Variants in TTC27 observed in about 807,000 individuals in gnomAD.
The protein encoded by TTC27 is tetratricopeptide repeat domain 27.
A neutral mutation model predicts 115.9 loss-of-function variants in TTC27; 79 were observed. The observed-to-expected ratio is 0.68, with a 90% confidence interval of 0.57 to 0.82. TTC27 has a LOEUF of 0.82. TTC27 is among the 40% of genes least tolerant of loss of function. TTC27 has a pLI of 0.00. For synonymous variants in TTC27, 401 were observed against 356.0 expected (o/e 1.13, Z -1.42); for missense variants, 1,054 against 993.1 (o/e 1.06, Z -0.82).
At chr2:32,796,430 C>T (rs1224797290) in intron 16 of TTC27, among the ~76,000 whole-genome samples, 3 of 152,098 alleles carry the variant, frequency 2.0e-5, no homozygotes, top group Non-Finnish European at 4.4e-5. Flanking sequence ...AAAGAGGATA[C>T]TCAAATTACT....
intron 12 of TTC27, among the ~76,000 whole-genome samples, chr2:32,754,397 C>A (rs2147988245): frequency 6.7e-6 from 1 of 148,968 alleles, no homozygotes; most frequent in Non-Finnish European, 1.5e-5. Context: ...ACATCTTGCA[C>A]CGCCCTTAAT....
intron 16 of TTC27, among the ~76,000 whole-genome samples, chr2:32,794,398 GAATGAA>G (rs1670632642): frequency 6.6e-6 from 1 of 152,068 alleles, no homozygotes; most frequent in African/African-American, 2.4e-5. Flanking sequence ...ACTTAGAGAT[GAATGAA>G]AATGAAAATA....
chr2:32,701,755 A>G (rs976440541), intron 9 of TTC27, among the ~76,000 whole-genome samples: 2 of 152,178 alleles, frequency 1.3e-5, no homozygotes, highest in Admixed American at 1.3e-4. Context: ...ATAGTTCTTA[A>G]AGTTGGCTAC....
chr2:32,798,713 A>AAAAATAATAAT (rs1368512271), intron 16 of TTC27, among the ~76,000 whole-genome samples: 4 of 142,346 alleles, frequency 2.8e-5, no homozygotes, highest in African/African-American at 8.1e-5. Flanking sequence ...TCAAAAAAAA[A>AAAAATAATAAT]AATAATAATA....
In TTC27 at chr2:32,811,078, G is replaced by C; in HGVS notation, c.2053G>C (p.Asp685His). 6.2e-7 allele frequency: 1 copy of C among 1,614,182 alleles called. No homozygotes were observed. Among genetic ancestry groups the C allele is most frequent in the African/African-American group, 1.3e-5 (1 of 75,050 alleles). Residue 685 changes from aspartate (D) to histidine (H), a missense_variant, in exon 17 of 20, where the codon GAT becomes CAT. Asp to His is a moderately conservative substitution (Grantham distance 81). Coordinates refer to ENST00000317907, the MANE Select transcript of TTC27 (RefSeq NM_017735.5). ...TGATGGGATGACTGATCGAAGTGGA[G>C]ATGTTGCAACTGGCCTCAAAGGAAA... The part of the protein sequence containing the change: ...VIDGMTDRSG[D>H]VATGLKGKLQ...
intron 14 of TTC27, among the ~76,000 whole-genome samples, chr2:32,781,467 G>A (rs1420160588): frequency 6.6e-6 from 1 of 152,102 alleles, no homozygotes; most frequent in Non-Finnish European, 1.5e-5. Context: ...CGTGGATGCT[G>A]TGCTGTTGTG....
At chr2:32,642,141 G>A (rs1664675020) in intron 4 of TTC27, among the ~76,000 whole-genome samples, 2 of 152,046 alleles carry the variant, frequency 1.3e-5, no homozygotes, top group African/African-American at 4.8e-5. Context: ...ACAGGTGTGA[G>A]CCACTGTGCC....
intron 10 of TTC27, among the ~76,000 whole-genome samples, chr2:32,705,573 C>T (rs1476353764): frequency 2.0e-5 from 3 of 152,084 alleles, no homozygotes; most frequent in Non-Finnish European, 4.4e-5. Context: ...TTCTTAGAGA[C>T]AGGGTCTTGC....
intron 16 of TTC27, among the ~76,000 whole-genome samples, chr2:32,801,577 C>T (rs935776294): frequency 2.0e-5 from 3 of 152,144 alleles, no homozygotes; most frequent in Admixed American, 6.5e-5. Flanking sequence ...TCTGGGTGCA[C>T]GTGAATTTTG....
intron 5 of TTC27, among the ~76,000 whole-genome samples, chr2:32,651,331 T>G (rs1665116523): frequency 1.3e-5 from 2 of 152,138 alleles, no homozygotes; most frequent in South Asian, 4.1e-4. Flanking sequence ...CTCTTGTACC[T>G]TTTGGGGGTC....
chr2:32,697,265 T>C (rs1322304320), intron 9 of TTC27, among the ~76,000 whole-genome samples: 1 of 152,102 alleles, frequency 6.6e-6, no homozygotes, highest in East Asian at 1.9e-4. Context: ...TATCAGCTTA[T>C]ATTTAGGTCC....
At chr2:32,810,114 C>CAA (rs60347156) in intron 16 of TTC27, among the ~76,000 whole-genome samples, 1,673 of 130,460 alleles carry the variant, frequency 0.013, 40 homozygotes, top group African/African-American at 0.032. Flanking sequence ...GACTCTGTCT[C>CAA]AAAAAAAAAA....
chr2:32,707,582 C>T (rs1269901911), intron 10 of TTC27, among the ~76,000 whole-genome samples: 2 of 151,976 alleles, frequency 1.3e-5, no homozygotes, highest in Admixed American at 6.6e-5. Context: ...AGTCTATATC[C>T]TAATTAATAT....
intron 9 of TTC27, among the ~76,000 whole-genome samples, chr2:32,685,741 C>T (rs1329935283): frequency 6.6e-6 from 1 of 152,156 alleles, no homozygotes; most frequent in Admixed American, 6.5e-5. Context: ...TGATTAAGTG[C>T]ATCTAGCTAA....
chr2:32,801,020 A>G (rs950907219), intron 16 of TTC27, among the ~76,000 whole-genome samples: 1 of 152,220 alleles, frequency 6.6e-6, no homozygotes, highest in Non-Finnish European at 1.5e-5. Flanking sequence ...CTGGCCAGTG[A>G]GTGGGGTACT....
chr2:32,810,170 C>T (rs1261102919), intron 16 of TTC27, among the ~76,000 whole-genome samples: 1 of 151,166 alleles, frequency 6.6e-6, no homozygotes, highest in Non-Finnish European at 1.5e-5. Context: ...AGAAGAGATA[C>T]TTGCTAGATA....
chr2:32,639,032 C>T (rs933033869), intron 3 of TTC27, among the ~76,000 whole-genome samples: 4 of 152,048 alleles, frequency 2.6e-5, no homozygotes, highest in Non-Finnish European at 5.9e-5. Flanking sequence ...CAGGGTTTCA[C>T]CGTGTTAGCC....
intron 16 of TTC27, among the ~76,000 whole-genome samples, chr2:32,808,263 C>T (rs960964651): frequency 6.6e-6 from 1 of 152,138 alleles, no homozygotes; most frequent in African/African-American, 2.4e-5. Context: ...ATGTTGTGTT[C>T]TTTAAGATTC....
chr2:32,645,224 A>G (rs1204885448), intron 4 of TTC27, among the ~76,000 whole-genome samples: 1 of 152,194 alleles, frequency 6.6e-6, no homozygotes, highest in East Asian at 1.9e-4. Flanking sequence ...TATATAGACT[A>G]GAATTGGTAC....
Sources: allele counts gnomAD v4.1 joint callset (sites outside exome capture counted in the v4.1 genomes callset), GRCh38; gene constraint gnomAD v4.1.1; transcripts MANE v1.5; gene names NCBI Gene and HGNC (gene_info 2026-07-23, HGNC 2026-07-21).